The following JAZF1 variants were observed in gnomAD, a reference collection of about 807,000 sequenced individuals.
JAZF1 encodes JAZF zinc finger 1.
In JAZF1, 8 loss-of-function variants were observed where a neutral mutation model predicts 26.4. The observed-to-expected ratio is 0.30, with a 90% CI of 0.18 to 0.55. The LOEUF is 0.55. JAZF1 is among the 20% of genes least tolerant of loss of function. JAZF1 has a pLI of 0.94. For synonymous variants in JAZF1, 126 were observed against 122.3 expected (o/e 1.03, Z -0.20); for missense variants, 199 against 322.0 (o/e 0.62, Z 2.92).
At chr7:28,127,236 A>T (rs1256038537) in intron 1 of JAZF1, among the ~76,000 whole-genome samples, 1 of 152,250 alleles carries the variant, frequency 6.6e-6, no homozygotes, top group African/African-American at 2.4e-5. Flanking sequence ...CTTAGAAGTC[A>T]TGCCTTCAGT....
intron 1 of JAZF1, among the ~76,000 whole-genome samples, chr7:28,057,146 T>C (rs1210899414): frequency 6.6e-6 from 1 of 152,164 alleles, no homozygotes; most frequent in Non-Finnish European, 1.5e-5. Context: ...AGGGTTTACC[T>C]GATAGGGGCT....
chr7:28,123,452 A>G (rs912251434), intron 1 of JAZF1, among the ~76,000 whole-genome samples: 3 of 152,226 alleles, frequency 2.0e-5, no homozygotes, highest in Non-Finnish European at 4.4e-5. Context: ...TGTAAGCTCC[A>G]TAAGAGTAGG....
At chr7:27,974,361 C>A (rs1179417671) in intron 2 of JAZF1, among the ~76,000 whole-genome samples, 11 of 152,246 alleles carry the variant, frequency 7.2e-5, no homozygotes, top group Non-Finnish European at 1.5e-4. Context: ...AGAAGAAGAA[C>A]CAGGACAGAA....
intron 3 of JAZF1, among the ~76,000 whole-genome samples, chr7:27,865,673 A>G (rs953285352): frequency 2.0e-5 from 3 of 152,122 alleles, no homozygotes; most frequent in Non-Finnish European, 4.4e-5. Flanking sequence ...CTAGGAGTAC[A>G]GTGAGTGCCA....
chr7:28,072,097 A>G, intron 1 of JAZF1, among the ~76,000 whole-genome samples: 1 of 152,238 alleles, frequency 6.6e-6, no homozygotes, highest in East Asian at 1.9e-4. Context: ...TAAAGGAAAC[A>G]CTGTATATAT....
chr7:28,050,769 G>A lies in JAZF1; in HGVS notation c.116-58788C>T, dbSNP rs187602963. Among the ~76,000 whole-genome samples, 45 of 152,156 alleles carry A rather than the reference G, an allele frequency of 3.0e-4. 1 individual carries two copies. In the East Asian group the frequency reaches 4.8e-3, roughly 16 times the overall value. ...TCTCATTAAGTCATGCTTGTTGATC[G>A]AGTTATTAATATTTTACATATGCTT... On this transcript the variant is annotated intron_variant, in intron 1 of 4. Coordinates refer to ENST00000283928, the MANE Select transcript of JAZF1 (RefSeq NM_175061.4).
chr7:28,157,121 T>C (rs1783197708), intron 1 of JAZF1, among the ~76,000 whole-genome samples: 1 of 152,232 alleles, frequency 6.6e-6, no homozygotes, highest in Non-Finnish European at 1.5e-5. Context: ...TCCTTCCTTT[T>C]AATAGCAGAA....
chr7:28,164,502 G>A (rs888594728), intron 1 of JAZF1, among the ~76,000 whole-genome samples: 3 of 152,164 alleles, frequency 2.0e-5, no homozygotes, highest in Non-Finnish European at 2.9e-5. Flanking sequence ...AGGTCCAGAT[G>A]TCCTCGGTAA....
intron 1 of JAZF1, among the ~76,000 whole-genome samples, chr7:28,066,000 C>G (rs1488058003): frequency 6.6e-6 from 1 of 152,110 alleles, no homozygotes; most frequent in African/African-American, 2.4e-5. Context: ...TAAATGTTCA[C>G]GAGAGGACTA....
At chr7:27,880,270 GA>G (rs112325718) in intron 3 of JAZF1, among the ~76,000 whole-genome samples, 61 of 151,840 alleles carry the variant, frequency 4.0e-4, no homozygotes, top group African/African-American at 1.4e-3. Context: ...AAAAGGGAAG[GA>G]AAAAAAATCC....
chr7:28,085,621 T>C (rs2127918562), intron 1 of JAZF1, among the ~76,000 whole-genome samples: 1 of 152,324 alleles, frequency 6.6e-6, no homozygotes, highest in Middle Eastern at 3.4e-3. Flanking sequence ...GGGTTTACAA[T>C]GGAAGTGTTG....
At chr7:27,834,311 G>T (rs570179592) in intron 4 of JAZF1, among the ~76,000 whole-genome samples, 2 of 152,330 alleles carry the variant, frequency 1.3e-5, no homozygotes, top group Admixed American at 1.3e-4. Flanking sequence ...AAACGTGGTG[G>T]TGATTACTAC....
At chr7:28,050,692 A>C (rs919652621) in intron 1 of JAZF1, among the ~76,000 whole-genome samples, 5 of 152,202 alleles carry the variant, frequency 3.3e-5, no homozygotes, top group Non-Finnish European at 7.4e-5. Flanking sequence ...TAAGTACTTC[A>C]AAAGAATATG....
At chr7:28,129,202 T>C (rs550665033) in intron 1 of JAZF1, among the ~76,000 whole-genome samples, 5 of 152,238 alleles carry the variant, frequency 3.3e-5, no homozygotes, top group Admixed American at 6.5e-5. Context: ...TTAGAGAGAA[T>C]CATATAATCT....
chr7:28,042,069 TA>T (rs899256926), intron 1 of JAZF1, among the ~76,000 whole-genome samples: 64 of 152,180 alleles, frequency 4.2e-4, no homozygotes, highest in African/African-American at 1.5e-3. Context: ...AGCACAGAAG[TA>T]AACAGTGACA....
intron 1 of JAZF1, among the ~76,000 whole-genome samples, chr7:28,075,181 G>T (rs1234523341): frequency 1.3e-5 from 2 of 152,160 alleles, no homozygotes; most frequent in African/African-American, 4.8e-5. Flanking sequence ...CGGGTATAAA[G>T]TAAGTGTAAC....
intron 1 of JAZF1, among the ~76,000 whole-genome samples, chr7:28,134,108 C>G (rs868752392): frequency 6.6e-6 from 1 of 152,136 alleles, no homozygotes; most frequent in Non-Finnish European, 1.5e-5. Context: ...CATTGAACAG[C>G]GCCTGGTGGG....
chr7:28,094,466 G>A (rs571824813), intron 1 of JAZF1, among the ~76,000 whole-genome samples: 2 of 152,330 alleles, frequency 1.3e-5, no homozygotes, highest in South Asian at 4.1e-4. Context: ...TCCGTAGCAC[G>A]AAAAGCCTGG....
chr7:27,967,477 G>A (rs947472865), intron 2 of JAZF1, among the ~76,000 whole-genome samples: 5 of 152,220 alleles, frequency 3.3e-5, no homozygotes, highest in African/African-American at 9.6e-5. Flanking sequence ...AAAAGATGAA[G>A]TAATGTCTTC....
Sources: gnomAD v4.1 joint callset for allele counts (sites outside exome capture counted in the v4.1 genomes callset) on GRCh38, gnomAD v4.1.1 for gene constraint, MANE v1.5 for transcripts, NCBI Gene and HGNC (gene_info 2026-07-23, HGNC 2026-07-21) for gene names.